Variants in NEDD9 observed in about 807,000 individuals in gnomAD.
NEDD9 encodes enhancer of filamentation 1.
A neutral mutation model predicts 76.6 loss-of-function variants in NEDD9; 26 were observed. The ratio of observed to expected loss-of-function variants is 0.34; its 90% CI spans 0.25 to 0.47. The LOEUF is 0.47. Ranked by LOEUF, NEDD9 falls within the 20% of genes least tolerant of loss-of-function variation. The pLI, the probability that NEDD9 is intolerant of heterozygous loss-of-function variation, is 1.00. For missense variants in NEDD9, 937 were observed against 1,058.5 expected, an observed-to-expected ratio of 0.89 and a Z score of 1.59; for synonymous variants, 392 against 414.2, an observed-to-expected ratio of 0.95 and a Z score of 0.65.
intron 2 of NEDD9, among the ~76,000 whole-genome samples, chr6:11,208,140 C>T (rs554455007): frequency 4.0e-5 from 6 of 150,690 alleles, no homozygotes; most frequent in Admixed American, 1.3e-4. Flanking sequence ...ATGGCACCAC[C>T]GCACTTCAGC....
rs35970354 is a variant in NEDD9 at position 11,224,167 on chromosome 6, C to A, written c.12+8337G>T. ...TTATGGATCTGCCATGGCTGAATTTCGGATTTGGGAGAAAAAGAGCTAGGC... is the reference window on the plus strand; with the variant it reads ...TTATGGATCTGCCATGGCTGAATTTAGGATTTGGGAGAAAAAGAGCTAGGC... On this transcript the variant is annotated intron_variant, in intron 1 of 6. Transcript: ENST00000379446. 9.6e-3 allele frequency among the ~76,000 whole-genome samples: 1,457 copies of A among 152,252 alleles called. 10 individuals are homozygous for A. Among genetic ancestry groups the A allele is most frequent in the Middle Eastern group, 0.024 (7 of 294 alleles).
At chr6:11,376,103 C>T (rs1020128962) in intron 1 of NEDD9, among the ~76,000 whole-genome samples, 14 of 152,202 alleles carry the variant, frequency 9.2e-5, no homozygotes, top group East Asian at 1.9e-4. Flanking sequence ...GGATTACTGG[C>T]GTGAGCCACC....
chr6:11,245,103 G>A (rs1470982164), intron 3 of NEDD9, among the ~76,000 whole-genome samples: 1 of 152,210 alleles, frequency 6.6e-6, no homozygotes, highest in Non-Finnish European at 1.5e-5. Context: ...TCAATATGCT[G>A]TGTTGAACTC....
chr6:11,317,217 C>T (rs921515953), intron 2 of NEDD9, among the ~76,000 whole-genome samples: 1 of 151,930 alleles, frequency 6.6e-6, no homozygotes, highest in South Asian at 2.1e-4. Context: ...CAGATCACCT[C>T]AGGTCAGGAG....
intron 1 of NEDD9, among the ~76,000 whole-genome samples, chr6:11,347,445 C>A (rs531819699): frequency 1.3e-5 from 2 of 152,214 alleles, no homozygotes; most frequent in Non-Finnish European, 2.9e-5. Flanking sequence ...ATCCTGATAC[C>A]AAAACCTGGC....
chr6:11,257,773 T>TTC (rs1186867567), intron 3 of NEDD9, among the ~76,000 whole-genome samples: 5 of 89,972 alleles, frequency 5.6e-5, no homozygotes, highest in African/African-American at 3.2e-4. Context: ...ACAATGTAGA[T>TTC]TCTGTGTGTG....
intron 1 of NEDD9, among the ~76,000 whole-genome samples, chr6:11,354,203 G>C (rs1034787187): frequency 6.6e-6 from 1 of 152,150 alleles, no homozygotes; most frequent in African/African-American, 2.4e-5. Flanking sequence ...AAGAGCTCTG[G>C]GGCTATTTAT....
intron 1 of NEDD9, among the ~76,000 whole-genome samples, chr6:11,362,174 C>T (rs1011116565): frequency 6.6e-6 from 1 of 152,196 alleles, no homozygotes; most frequent in South Asian, 2.1e-4. Flanking sequence ...TCCCAGAGAG[C>T]TCTCTACCTC....
intron 2 of NEDD9, among the ~76,000 whole-genome samples, chr6:11,319,492 A>C (rs1387273408): frequency 6.8e-6 from 1 of 147,802 alleles, no homozygotes; most frequent in Non-Finnish European, 1.5e-5. Context: ...GCAAATAATC[A>C]CACACTCATG....
At chr6:11,293,643 G>A (rs1423178610) in intron 3 of NEDD9, among the ~76,000 whole-genome samples, 1 of 150,474 alleles carries the variant, frequency 6.6e-6, no homozygotes, top group Non-Finnish European at 1.5e-5. Flanking sequence ...TGCGTGTTGA[G>A]AATATTTAAG....
chr6:11,246,428 G>A lies in NEDD9; in HGVS notation c.13-32701C>T, dbSNP rs76306963. On this transcript the variant is annotated intron_variant, in intron 3 of 3. Transcript: ENST00000397378. ...GGGCCCAGGAATGAACCATCACGAC[G>A]TGGTCCCCCAGGCCCCGGGCCCCAC... is the stretch of plus-strand genomic sequence containing the variant. Among the ~76,000 whole-genome samples, 802 of 152,230 alleles carry A rather than the reference G, an allele frequency of 5.3e-3. 25 individuals carry two copies. In the East Asian group the frequency reaches 0.068, roughly 13 times the overall value.
At position 11,322,318 on chromosome 6, in the gene NEDD9, A is replaced by G. The variant is rs533656063; in HGVS notation, c.-153+12183T>C. On this transcript the variant is annotated intron_variant, in intron 2 of 3. Coordinates refer to the NEDD9 transcript ENST00000397378. ...TGTAACAAACCTGCACATTCTGCAC[A>G]TGTATCCCAGAACTTAAAAAAAAAA... Among the ~76,000 whole-genome samples the G allele has an allele frequency of 2.6e-5, 4 of 152,214 alleles. No homozygotes were observed. In the East Asian group the frequency reaches 7.7e-4, roughly 29 times the overall value.
At chr6:11,250,079 G>A (rs1433958221) in intron 3 of NEDD9, among the ~76,000 whole-genome samples, 1 of 152,210 alleles carries the variant, frequency 6.6e-6, no homozygotes, top group African/African-American at 2.4e-5. Context: ...GCAAATGGCT[G>A]GCTGTGGCCA....
intron 3 of NEDD9, among the ~76,000 whole-genome samples, chr6:11,242,809 T>G (rs1382545935): frequency 6.6e-6 from 1 of 152,156 alleles, no homozygotes; most frequent in African/African-American, 2.4e-5. Flanking sequence ...GATGAGCTTG[T>G]GGAATTCAGA....
intron 3 of NEDD9, among the ~76,000 whole-genome samples, chr6:11,296,618 C>T (rs1760890390): frequency 5.4e-5 from 8 of 147,954 alleles, no homozygotes. Context: ...TCCTTCCTTC[C>T]TTTCTTTCTT....
At chr6:11,234,805 T>C (rs1197515532), upstream of NEDD9, among the ~76,000 whole-genome samples, 1 of 151,456 alleles carries the variant, frequency 6.6e-6, no homozygotes, top group African/African-American at 2.4e-5. Context: ...AATCCCCGCA[T>C]CTCTGGTTCA....
At chr6:11,372,037 A>C (rs1192989761) in intron 1 of NEDD9, among the ~76,000 whole-genome samples, 1 of 152,184 alleles carries the variant, frequency 6.6e-6, no homozygotes, top group South Asian at 2.1e-4. Flanking sequence ...ATTATTTTCG[A>C]CTACGGTCAT....
At chr6:11,236,782 G>A (rs1409541780), upstream of NEDD9, among the ~76,000 whole-genome samples, 1 of 152,118 alleles carries the variant, frequency 6.6e-6, no homozygotes, top group Non-Finnish European at 1.5e-5. The surrounding 1 kb of genome is among the most constrained non-coding windows in gnomAD (Gnocchi z 5.5). Context: ...TTAATTCCTG[G>A]AATACAGAGT....
intron 2 of NEDD9, among the ~76,000 whole-genome samples, chr6:11,329,306 T>C (rs1307591961): frequency 6.6e-6 from 1 of 152,184 alleles, no homozygotes. Flanking sequence ...ATGGTCACTT[T>C]GGGAACTGGG....
Sources: gnomAD v4.1 joint callset for allele counts (sites outside exome capture counted in the v4.1 genomes callset) on GRCh38, gnomAD v4.1.1 for gene constraint, Gnocchi (gnomAD v3.1) non-coding constraint, MANE v1.5 for transcripts, NCBI Gene and HGNC (gene_info 2026-07-23, HGNC 2026-07-21) for gene names.